The following EDA variants were observed in gnomAD, a reference collection of about 807,000 sequenced individuals.
EDA encodes ectodysplasin A, also known as ectodysplasin-A.
Under a neutral mutation model 23.6 loss-of-function variants are expected in EDA, and 2 were observed. The ratio of observed to expected loss-of-function variants is 0.08; its 90% CI spans 0.03 to 0.27. EDA has a LOEUF of 0.27. EDA is among the 10% of genes least tolerant of loss of function. EDA has a pLI of 1.00. For synonymous variants in EDA, 131 were observed against 132.0 expected (o/e 0.99, Z 0.05); for missense variants, 229 against 324.2 (o/e 0.71, Z 2.26).
chrX:69,997,047 G>T (rs372985945), intron 2 of EDA, among the ~76,000 whole-genome samples: 5 of 111,606 alleles, frequency 4.5e-5, no homozygotes, highest in African/African-American at 1.6e-4. Flanking sequence ...ACAGTAAACT[G>T]GTACCAGCAG....
At chrX:69,816,666 A>G (rs934543957) in intron 1 of EDA, among the ~76,000 whole-genome samples, 4 of 111,831 alleles carry the variant, frequency 3.6e-5, no homozygotes, top group Admixed American at 1.9e-4. Flanking sequence ...AATGAAAAGG[A>G]ATGAACCAAA....
At chrX:69,673,643 A>T (rs1364729301) in intron 1 of EDA, among the ~76,000 whole-genome samples, 4 of 112,043 alleles carry the variant, frequency 3.6e-5, no homozygotes, top group Non-Finnish European at 7.5e-5. Flanking sequence ...TATATTCTAT[A>T]GTCTGAATCA....
chrX:69,784,335 C>T (rs2015071096), intron 1 of EDA, among the ~76,000 whole-genome samples: 1 of 102,746 alleles, frequency 9.7e-6, no homozygotes, highest in Non-Finnish European at 2.0e-5. Context: ...GTTGCCATTG[C>T]TTTTGGAGTT....
intron 1 of EDA, among the ~76,000 whole-genome samples, chrX:69,707,444 A>C (rs1203631562): frequency 8.9e-6 from 1 of 112,078 alleles, no homozygotes; most frequent in Non-Finnish European, 1.9e-5. Context: ...ATAAAAACTG[A>C]CAGTTTATTT....
At chrX:69,831,786 T>A (rs2016615960) in intron 1 of EDA, among the ~76,000 whole-genome samples, 1 of 112,903 alleles carries the variant, frequency 8.9e-6, no homozygotes, top group Non-Finnish European at 1.9e-5. Context: ...ATTTCTCTAA[T>A]GACCATGATG....
intron 1 of EDA, among the ~76,000 whole-genome samples, chrX:69,884,022 C>A (rs958730797): frequency 7.2e-5 from 8 of 110,867 alleles, no homozygotes; most frequent in African/African-American, 1.6e-4. Context: ...TATGATTGCA[C>A]CACTGCATTC....
At chrX:70,006,599 G>T (rs1426922897) in intron 2 of EDA, among the ~76,000 whole-genome samples, 1 of 111,426 alleles carries the variant, frequency 9.0e-6, no homozygotes, top group Non-Finnish European at 1.9e-5. Context: ...TTTCTGTTCA[G>T]ATCTTTGCCC....
intron 1 of EDA, among the ~76,000 whole-genome samples, chrX:69,775,985 C>T (rs1040628876): frequency 2.7e-5 from 3 of 111,668 alleles, no homozygotes; most frequent in Middle Eastern, 4.4e-3. Context: ...TTGACAATAT[C>T]TGACAAGTGC....
intron 1 of EDA, among the ~76,000 whole-genome samples, chrX:69,788,491 T>C (rs911678903): frequency 8.9e-6 from 1 of 112,062 alleles, no homozygotes; most frequent in African/African-American, 3.2e-5. Flanking sequence ...CCTTTCTGTT[T>C]GTTAGTTTTC....
Position 70,037,193 on chromosome X carries a change from A to G in EDA, c.*1584A>G, listed in dbSNP as rs1281285151. 1 of 112,270 alleles carries G rather than the reference A, an allele frequency of 8.9e-6. No homozygotes were observed. The highest frequency in any genetic ancestry group is 2.8e-4 in the East Asian group (1 of 3,551). 9.3% of individuals were successfully genotyped at this position (112,270 alleles called of 1,213,427 possible). On this transcript the variant is annotated 3_prime_UTR_variant, in exon 8 of 8. Coordinates refer to ENST00000374552, the MANE Select transcript of EDA (RefSeq NM_001399.5). ...TTTCCTTTTCAGGAGATGGGGAATA[A>G]TTTCCTTCAGGCAGCTGAAATTCAC...
chrX:70,031,745 C>T (rs1417261985), intron 6 of EDA, among the ~76,000 whole-genome samples: 1 of 112,575 alleles, frequency 8.9e-6, no homozygotes, highest in African/African-American at 3.2e-5. Context: ...CCCAATTGGT[C>T]CTGCTGGGGA....
At chrX:69,841,715 A>T (rs2016898997) in intron 1 of EDA, among the ~76,000 whole-genome samples, 1 of 112,072 alleles carries the variant, frequency 8.9e-6, no homozygotes, top group Admixed American at 9.5e-5. Flanking sequence ...CTGAATAAAT[A>T]GTAAGGGACC....
intron 1 of EDA, among the ~76,000 whole-genome samples, chrX:69,617,957 G>T (rs1932042545): frequency 9.2e-6 from 1 of 108,922 alleles, no homozygotes. Context: ...TTGTAAAGTT[G>T]CCCTGAGCCT....
At chrX:69,790,199 C>CT (rs1378303877) in intron 1 of EDA, among the ~76,000 whole-genome samples, 1 of 110,244 alleles carries the variant, frequency 9.1e-6, no homozygotes, top group Non-Finnish European at 1.9e-5. Flanking sequence ...TTAAAGTCCT[C>CT]TTTTTTCTTT....
chrX:69,629,220 G>A (rs963415188), intron 1 of EDA, among the ~76,000 whole-genome samples: 2 of 111,743 alleles, frequency 1.8e-5, no homozygotes, highest in East Asian at 2.8e-4. Context: ...TCTGGCCTTT[G>A]TTTGTTTACC....
intron 1 of EDA, among the ~76,000 whole-genome samples, chrX:69,794,223 A>C (rs894841088): frequency 9.2e-6 from 1 of 109,207 alleles, no homozygotes; most frequent in Admixed American, 9.7e-5. Flanking sequence ...GGTTGAAAGA[A>C]AAAAAAAAAC....
At chrX:69,689,250 G>A (rs762149013) in intron 1 of EDA, among the ~76,000 whole-genome samples, 108 of 107,908 alleles carry the variant, frequency 1.0e-3, no homozygotes, top group African/African-American at 3.6e-3. Context: ...TAAGTTTTAG[G>A]GTACATGTGC....
At chrX:69,921,462 A>G (rs1285301562) in intron 1 of EDA, among the ~76,000 whole-genome samples, 1 of 110,933 alleles carries the variant, frequency 9.0e-6, no homozygotes, top group Non-Finnish European at 1.9e-5. Flanking sequence ...CAGCGCTAAT[A>G]CAATACCACA....
intron 1 of EDA, among the ~76,000 whole-genome samples, chrX:69,692,288 A>C (rs767169428): frequency 8.1e-5 from 9 of 111,578 alleles, no homozygotes; most frequent in Non-Finnish European, 1.3e-4. Flanking sequence ...TTATGATAGA[A>C]ACTCTCTAGC....
Sources: gnomAD v4.1 joint callset for allele counts (sites outside exome capture counted in the v4.1 genomes callset) on GRCh38, gnomAD v4.1.1 for gene constraint, MANE v1.5 for transcripts, NCBI Gene and HGNC (gene_info 2026-07-23, HGNC 2026-07-21) for gene names.